MYO5A: variants seen among roughly 807,000 people sequenced by gnomAD.
The protein encoded by MYO5A is unconventional myosin-Va.
MYO5A carries 98 observed loss-of-function variants against 249.7 expected under a neutral mutation model. The ratio of observed to expected loss-of-function variants is 0.39; its 90% CI spans 0.33 to 0.46. The LOEUF (loss-of-function observed/expected upper bound fraction) is 0.46. Among genes scored for constraint, MYO5A ranks in the 20% least tolerant of loss-of-function variants. The pLI is 0.98. For synonymous variants in MYO5A, 778 were observed against 810.6 expected (o/e 0.96, Z 0.68); for missense variants, 1,696 against 2,308.8 (o/e 0.73, Z 5.44).
intron 15 of MYO5A, among the ~76,000 whole-genome samples, 165 bp from the exon 16 acceptor site, chr15:52,383,353 G>C (rs924984155): frequency 6.6e-6 from 1 of 152,010 alleles, no homozygotes. Flanking sequence ...AGAATGCTAG[G>C]GCTTTTGGTT....
At chr15:52,445,437 G>C (rs551746335) in intron 1 of MYO5A, among the ~76,000 whole-genome samples, 1 of 152,132 alleles carries the variant, frequency 6.6e-6, no homozygotes, top group South Asian at 2.1e-4. Context: ...CCCAGTCTCA[G>C]GTCTTTCTTT....
intron 1 of MYO5A, among the ~76,000 whole-genome samples, chr15:52,477,212 G>A (rs1173527106): frequency 4.6e-5 from 7 of 152,136 alleles, no homozygotes; most frequent in East Asian, 1.9e-4. Context: ...CATGCGTCAC[G>A]TAGTTCTTGT....
chr15:52,475,966 ATCTG>A (rs1386640474), intron 1 of MYO5A, among the ~76,000 whole-genome samples: 2 of 152,188 alleles, frequency 1.3e-5, no homozygotes, highest in African/African-American at 2.4e-5. Flanking sequence ...TGTCTTGTGG[ATCTG>A]TCTAATATTG....
intron 12 of MYO5A, among the ~76,000 whole-genome samples, chr15:52,390,548 C>CTTTT (rs961218362): frequency 2.1e-5 from 3 of 140,194 alleles, no homozygotes; most frequent in Non-Finnish European, 3.1e-5. Context: ...TTCTCCCTCT[C>CTTTT]TTTTTTTTTT....
In MYO5A at chr15:52,312,203, C is replaced by T. The variant is rs2037797628; in HGVS notation, c.*1493G>A. ...TTCTTAAAGTATTTCTAATATGATG[C>T]TTTTAAAATTATCTAGTGGCATCTG... On this transcript the variant is annotated 3_prime_UTR_variant, in exon 42 of 42. Coordinates refer to ENST00000399233, the MANE Select transcript of MYO5A (RefSeq NM_001382347.1). The T allele has an allele frequency of 1.3e-5, 2 of 152,088 alleles. No individual in the cohort carries two copies. The highest frequency in any genetic ancestry group is 4.1e-4 in the South Asian group (2 of 4,826). The allele number at this position is 152,088 out of a possible 1,614,324, so 9.4% of individuals were successfully genotyped here.
chr15:52,459,553 T>A (rs190609746), intron 1 of MYO5A, among the ~76,000 whole-genome samples: 80 of 152,300 alleles, frequency 5.3e-4, no homozygotes, highest in Non-Finnish European at 1.0e-3. Flanking sequence ...AAATGGAGTC[T>A]CCTATGTCTA....
chr15:52,442,926 A>C (rs892797573), intron 1 of MYO5A, among the ~76,000 whole-genome samples: 12 of 152,014 alleles, frequency 7.9e-5, no homozygotes, highest in African/African-American at 2.7e-4. Context: ...AATCCTGGCT[A>C]ATTTTTAGTA....
rs751061571 is a variant in MYO5A at position 52,336,476 on chromosome 15, A to G, written c.4395T>C (p.Ile1465=). 3 of 1,603,096 alleles carry G rather than the reference A, an allele frequency of 1.9e-6. No homozygotes were observed. In the African/African-American group the frequency reaches 4.0e-5, roughly 21 times the overall value. The change falls in exon 34 of 42, where the codon ATT becomes ATC. Residue 1465 remains isoleucine (I), a synonymous_variant. Coordinates refer to ENST00000399233, the MANE Select transcript of MYO5A (RefSeq NM_001382347.1). The stretch of plus-strand genomic sequence containing the variant: ...AGGTTTAAATACCTTCTAGTTCGCC[A>G]ATTTTTTTGGCAAATACTTTCAGTT... ...KKQLKVFAKK[I]GELEVGQMEN...
At position 52,416,142 on chromosome 15, in the gene MYO5A, T is replaced by C. The variant is rs2043472861; in HGVS notation, c.612+3A>G. 1 of 1,613,838 alleles carries C rather than the reference T, an allele frequency of 6.2e-7. No homozygotes were observed. The highest frequency in any genetic ancestry group is 1.1e-5 in the South Asian group (1 of 91,080). ...GAAGAAAGCCGAAGACTCGCTGTCT[T>C]ACCTCCATGATGGGGTTGGAGGCCA... On this transcript the variant is annotated splice_donor_region_variant and intron_variant, in intron 5 of 41. Coordinates refer to ENST00000399233, the MANE Select transcript of MYO5A (RefSeq NM_001382347.1).
chr15:52,390,612 T>A (rs141278458), intron 12 of MYO5A, among the ~76,000 whole-genome samples: 607 of 148,372 alleles, frequency 4.1e-3, no homozygotes, highest in South Asian at 6.0e-3. Context: ...CAGGCTGGAG[T>A]GCAATGGCAC....
In MYO5A at chr15:52,376,462, C is replaced by A. The variant is rs200851725; in HGVS notation, c.2305G>T (p.Ala769Ser). Residue 769 changes from alanine (A) to serine (S), a missense_variant, in exon 19 of 42, where the codon GCC becomes TCC. This residue lies in a region of MYO5A where 277 missense variants were observed against 422.4 expected (regional missense o/e 0.66). Transcript: ENST00000399233. ...EKLRADKLRAACIRIQKTIRG... is the reference protein window; with the variant it reads ...EKLRADKLRASCIRIQKTIRG... ...ATGGTCTTCTGGATCCGGATGCAGG[C>A]AGCTCTCAGTTTGTCAGCTCTCAAT... 357 of 1,614,156 alleles carry A rather than the reference C, an allele frequency of 2.2e-4. 2 individuals carry two copies. The highest frequency in any genetic ancestry group is 2.4e-4 in the Non-Finnish European group (286 of 1,180,024).
At chr15:52,525,807 C>T (rs1379593215) in intron 1 of MYO5A, among the ~76,000 whole-genome samples, 1 of 152,142 alleles carries the variant, frequency 6.6e-6, no homozygotes, top group Non-Finnish European at 1.5e-5. Context: ...CAACCCATTC[C>T]CTAACTTCTA....
chr15:52,383,837 G>A (rs545985647), intron 15 of MYO5A, among the ~76,000 whole-genome samples: 9 of 152,342 alleles, frequency 5.9e-5, no homozygotes, highest in African/African-American at 2.2e-4. Context: ...CGAGGGCCCT[G>A]TTCTGAAGGA....
chr15:52,490,404 C>T (rs953240660), intron 1 of MYO5A, among the ~76,000 whole-genome samples: 17 of 152,102 alleles, frequency 1.1e-4, no homozygotes, highest in Non-Finnish European at 1.9e-4. Flanking sequence ...TATTATTTGG[C>T]CTCAAAAGAG....
In MYO5A at chr15:52,376,404, C is replaced by A. The variant is rs375511929; in HGVS notation, c.2363G>T (p.Arg788Leu). ...RGWLLRKKYL[R>L]MRKAAITMQR... ...CATGGTGATGGCTGCCTTCCGCATG[C>A]GTAGGTACTTCTTTCTCAGCAGCCA... Residue 788 changes from arginine to leucine, a missense_variant, in exon 19 of 42, where the codon CGC becomes CTC. Transcript: ENST00000399233. The A allele has an allele frequency of 3.1e-6, 5 of 1,614,108 alleles. No homozygotes were observed. Among genetic ancestry groups the A allele is most frequent in the Non-Finnish European group, 4.2e-6 (5 of 1,180,020 alleles).
chr15:52,452,276 A>G (rs1365521866), intron 1 of MYO5A, among the ~76,000 whole-genome samples: 1 of 152,202 alleles, frequency 6.6e-6, no homozygotes, highest in Admixed American at 6.5e-5. Context: ...TCAGACTCCT[A>G]TATCAATGAC....
chr15:52,510,889 T>C (rs1376310751), intron 1 of MYO5A, among the ~76,000 whole-genome samples: 1 of 152,224 alleles, frequency 6.6e-6, no homozygotes, highest in Non-Finnish European at 1.5e-5. Context: ...GACTTTCATT[T>C]AATTGTACCC....
At chr15:52,458,513 G>A (rs961795199) in intron 1 of MYO5A, among the ~76,000 whole-genome samples, 2 of 152,036 alleles carry the variant, frequency 1.3e-5, no homozygotes, top group Non-Finnish European at 2.9e-5. Flanking sequence ...CCCGCCACTA[G>A]AGAGGCTGAG....
chr15:52,500,113 C>T (rs1042828603), intron 1 of MYO5A, among the ~76,000 whole-genome samples: 1 of 152,118 alleles, frequency 6.6e-6, no homozygotes, highest in African/African-American at 2.4e-5. Flanking sequence ...TCCATAGTGG[C>T]TGCATTTTAC....
Sources: allele counts gnomAD v4.1 joint callset (sites outside exome capture counted in the v4.1 genomes callset), GRCh38; gene constraint gnomAD v4.1.1; regional missense constraint gnomAD v4.1.1; transcripts MANE v1.5; gene names NCBI Gene and HGNC (gene_info 2026-07-23, HGNC 2026-07-21).